Variants in FGF1 observed in about 807,000 individuals in gnomAD.
FGF1 encodes fibroblast growth factor 1.
A neutral mutation model predicts 13.4 loss-of-function variants in FGF1; 9 were observed. The ratio of observed to expected loss-of-function variants is 0.67; its 90% CI spans 0.40 to 1.17. The LOEUF (loss-of-function observed/expected upper bound fraction) is 1.17, where lower values mean the gene tolerates loss of function less well. Ranked by LOEUF, FGF1 falls within the 50% of genes most tolerant of loss-of-function variation. The probability of loss-of-function intolerance (pLI) is 0.01; values close to 1 mark genes in which losing one functional copy is unlikely to be tolerated. For missense variants in FGF1, 156 were observed against 192.7 expected, an observed-to-expected ratio of 0.81 and a Z score of 1.13; for synonymous variants, 93 against 79.0, an observed-to-expected ratio of 1.18 and a Z score of -0.94.
chr5:142,687,454 G>A (rs946378841), upstream of FGF1, among the ~76,000 whole-genome samples: 2 of 152,154 alleles, frequency 1.3e-5, no homozygotes, highest in African/African-American at 4.8e-5. Flanking sequence ...AAAGGGACTT[G>A]AATATACAGA....
chr5:142,689,701 T>TG (rs904971705), upstream of FGF1, among the ~76,000 whole-genome samples: 1 of 147,984 alleles, frequency 6.8e-6, no homozygotes, highest in African/African-American at 2.5e-5. Flanking sequence ...CTAGTTTTTT[T>TG]TTTTTTTTTT....
intron 1 of FGF1, among the ~76,000 whole-genome samples, chr5:142,683,088 C>A (rs1330631002): frequency 6.6e-6 from 1 of 152,202 alleles, no homozygotes; most frequent in Non-Finnish European, 1.5e-5. Context: ...AGTACTCTCA[C>A]CCACATGTAT....
chr5:142,669,377 A>T lies in FGF1; in HGVS notation c.-35+16580T>A, dbSNP rs143438480. ...CAAGCCAGTCGAGGACAGAAGCATG[A>T]GCTTCCTTCTCACGATTATGTCCCC... On this transcript the variant is annotated intron_variant, in intron 1 of 3. Transcript: ENST00000337706. Among the ~76,000 whole-genome samples the T allele has an allele frequency of 1.2e-3, 182 of 152,310 alleles. 1 individual carries two copies. The highest frequency in any genetic ancestry group is 6.2e-3 in the East Asian group (32 of 5,176).
chr5:142,601,325 T>C (rs1756511985), intron 2 of FGF1, among the ~76,000 whole-genome samples: 1 of 152,158 alleles, frequency 6.6e-6, no homozygotes, highest in South Asian at 2.1e-4. Context: ...TTTTATAAAA[T>C]CTGAGATTGC....
At chr5:142,664,569 T>C (rs1769930316) in intron 1 of FGF1, among the ~76,000 whole-genome samples, 1 of 152,266 alleles carries the variant, frequency 6.6e-6, no homozygotes. Flanking sequence ...ACATTCTTTT[T>C]CTTCATGGTA....
rs144373660 is a variant in FGF1 at position 142,652,953 on chromosome 5, T to C, written c.-35+33004A>G. On this transcript the variant is annotated intron_variant, in intron 1 of 3. Transcript: ENST00000337706. ...GATTTGTTTTCTTTCAGTGTCACTT[T>C]CCATTTATAGACAGCCTTCTCTTGG... Among the ~76,000 whole-genome samples the C allele has an allele frequency of 3.3e-5, 5 of 152,342 alleles. No homozygotes were observed. The East Asian group carries it at 9.6e-4, about 29-fold the overall frequency.
chr5:142,645,100 T>C (rs1322949157), intron 1 of FGF1, among the ~76,000 whole-genome samples: 1 of 152,026 alleles, frequency 6.6e-6, no homozygotes, highest in East Asian at 1.9e-4. Flanking sequence ...CTTTAAACCC[T>C]GGCTTGTAAT....
upstream of FGF1, among the ~76,000 whole-genome samples, chr5:142,688,661 A>G (rs1392461915): frequency 1.3e-5 from 2 of 152,258 alleles, no homozygotes; most frequent in African/African-American, 4.8e-5. Context: ...AGTACTGCAG[A>G]GGGGTCCCTG....
intron 2 of FGF1, among the ~76,000 whole-genome samples, chr5:142,606,528 C>T (rs977802188): frequency 1.3e-5 from 2 of 151,540 alleles, no homozygotes; most frequent in African/African-American, 4.9e-5. Flanking sequence ...GAGGCTGAGG[C>T]GAGAGAATTG....
chr5:142,641,131 A>G (rs1479513531), intron 1 of FGF1, among the ~76,000 whole-genome samples: 1 of 152,054 alleles, frequency 6.6e-6, no homozygotes, highest in East Asian at 1.9e-4. Context: ...GAATGCTTTG[A>G]GACTTTCCAG....
chr5:142,619,962 G>C (rs1761189027), intron 1 of FGF1, among the ~76,000 whole-genome samples: 1 of 151,000 alleles, frequency 6.6e-6, no homozygotes, highest in African/African-American at 2.4e-5. Context: ...CCAAATATAT[G>C]TATAATCACA....
chr5:142,657,977 C>T (rs1198095784), intron 1 of FGF1, among the ~76,000 whole-genome samples: 2 of 152,184 alleles, frequency 1.3e-5, no homozygotes, highest in Admixed American at 1.3e-4. Context: ...CCAGGACTCC[C>T]AAATCCTGCC....
Position 142,594,439 on chromosome 5 carries a change from G to A in FGF1, c.*851C>T, listed in dbSNP as rs1754847303. 1 of 152,308 alleles carries A rather than the reference G, an allele frequency of 6.6e-6. No individual in the cohort carries two copies. The highest frequency in any genetic ancestry group is 2.4e-5 in the African/African-American group (1 of 41,446). The allele number at this position is 152,308 out of a possible 1,614,324, so 9.4% of individuals were successfully genotyped here. ...TTACTTTCTTTTTCCTTCTCCTTCT[G>A]AAATCATCCTCTTTTTATGGTATCC... On this transcript the variant is annotated 3_prime_UTR_variant, in exon 4 of 4. Coordinates refer to ENST00000337706, the MANE Select transcript of FGF1 (RefSeq NM_000800.5).
intron 1 of FGF1, among the ~76,000 whole-genome samples, chr5:142,653,469 C>A (rs979637603): frequency 6.6e-5 from 10 of 152,298 alleles, no homozygotes; most frequent in African/African-American, 2.4e-4. Flanking sequence ...GCCCGGCCTC[C>A]CAGTCTCCCC....
chr5:142,675,779 C>T (rs1170292804), intron 1 of FGF1, among the ~76,000 whole-genome samples: 1 of 152,196 alleles, frequency 6.6e-6, no homozygotes, highest in African/African-American at 2.4e-5. Context: ...CTATAATAGC[C>T]TGTCCTTTTA....
At chr5:142,692,807 G>A (rs1464864832) in intron 2 of FGF1, among the ~76,000 whole-genome samples, 1 of 150,074 alleles carries the variant, frequency 6.7e-6, no homozygotes, top group Non-Finnish European at 1.5e-5. Flanking sequence ...TTTAATAATT[G>A]TCTAGCTATT....
chr5:142,618,562 T>G (rs1760724885), intron 1 of FGF1, among the ~76,000 whole-genome samples: 1 of 152,210 alleles, frequency 6.6e-6, no homozygotes, highest in Admixed American at 6.5e-5. Flanking sequence ...ATTAAATGCT[T>G]AATTTAAAAT....
intron 2 of FGF1, among the ~76,000 whole-genome samples, chr5:142,693,058 C>A (rs551223158): frequency 6.6e-6 from 1 of 151,302 alleles, no homozygotes; most frequent in African/African-American, 2.5e-5. Flanking sequence ...AATGTCTGTC[C>A]AGGAAAGAGG....
chr5:142,655,276 T>C (rs1767952885), intron 1 of FGF1, among the ~76,000 whole-genome samples: 1 of 152,222 alleles, frequency 6.6e-6, no homozygotes. Flanking sequence ...ATATTAACAC[T>C]GCCTAGGTAT....
Sources: allele counts gnomAD v4.1 joint callset (sites outside exome capture counted in the v4.1 genomes callset), GRCh38; gene constraint gnomAD v4.1.1; transcripts MANE v1.5; gene names NCBI Gene and HGNC (gene_info 2026-07-23, HGNC 2026-07-21).